Variants in CD38 observed in about 807,000 individuals in gnomAD.
CD38 encodes CD38 molecule.
Under a neutral mutation model 36.3 loss-of-function variants are expected in CD38, and 31 were observed. That is an observed-to-expected ratio of 0.85 (90% CI 0.64 to 1.15). The LOEUF is 1.15. Ranked by LOEUF, CD38 falls within the 50% of genes most tolerant of loss-of-function variation. The pLI, the probability that CD38 is intolerant of heterozygous loss-of-function variation, is 0.00. For missense variants in CD38, 380 were observed against 371.9 expected, an observed-to-expected ratio of 1.02 and a Z score of -0.18; for synonymous variants, 131 against 135.2, an observed-to-expected ratio of 0.97 and a Z score of 0.22.
intron 3 of CD38, among the ~76,000 whole-genome samples, chr4:15,829,239 G>A (rs7663931): frequency 0.017 from 2,540 of 151,766 alleles, 71 homozygotes; most frequent in African/African-American, 0.058. Context: ...TAATTTTTGT[G>A]CATACATAAT....
chr4:15,804,414 C>T (rs989618829), intron 1 of CD38, among the ~76,000 whole-genome samples: 3 of 152,084 alleles, frequency 2.0e-5, no homozygotes, highest in South Asian at 2.1e-4. Flanking sequence ...CCAGTAATCT[C>T]GCTACTGGAC....
At chr4:15,839,426 T>C (rs1251621490) in intron 5 of CD38, among the ~76,000 whole-genome samples, 1 of 137,142 alleles carries the variant, frequency 7.3e-6, no homozygotes. Context: ...TTTTTTTTTT[T>C]TTTTTTTTTT....
At chr4:15,804,403 T>C (rs958174457) in intron 1 of CD38, among the ~76,000 whole-genome samples, 1 of 152,152 alleles carries the variant, frequency 6.6e-6, no homozygotes, top group African/African-American at 2.4e-5. Flanking sequence ...TACCATATGA[T>C]CCAGTAATCT....
chr4:15,828,688 T>A (rs1723898858), intron 3 of CD38, among the ~76,000 whole-genome samples: 1 of 152,252 alleles, frequency 6.6e-6, no homozygotes. Context: ...TATTCCATTG[T>A]GTATATATAC....
At chr4:15,827,604 T>C (rs1343347212) in intron 3 of CD38, among the ~76,000 whole-genome samples, 1 of 152,158 alleles carries the variant, frequency 6.6e-6, no homozygotes, top group Non-Finnish European at 1.5e-5. Context: ...ATGACTGTTT[T>C]ATTGGTCATT....
rs1226840288 is a variant in CD38 at position 15,850,064 on chromosome 4, TG to T, written c.*1465del. 1 of 152,156 alleles carries T rather than the reference TG, an allele frequency of 6.6e-6. No homozygotes were observed. The highest frequency in any genetic ancestry group is 1.5e-5 in the Non-Finnish European group (1 of 68,034). 9.4% of individuals were successfully genotyped at this position (152,156 alleles called of 1,614,324 possible). A position where few individuals can be genotyped will look rare whatever the true frequency, so the allele number is the denominator to read the frequency against. On this transcript the variant is annotated 3_prime_UTR_variant, in exon 8 of 8. Coordinates refer to ENST00000226279, the MANE Select transcript of CD38 (RefSeq NM_001775.4). Reference sequence around the variant, plus strand: ...GCTCACACCTGTATCCCCAGCACTTTGGGAGGCCGAGACGGGAGGATCGCCT... The same window carrying T: ...GCTCACACCTGTATCCCCAGCACTTTGGAGGCCGAGACGGGAGGATCGCCT...
At chr4:15,815,181 A>G (rs4634217) in intron 1 of CD38, among the ~76,000 whole-genome samples, 8,142 of 152,184 alleles carry the variant, frequency 0.054, 278 homozygotes, top group Non-Finnish European at 0.065. Flanking sequence ...CTTGTAGTAC[A>G]CTTTGTAGTC....
intron 1 of CD38, among the ~76,000 whole-genome samples, chr4:15,790,796 G>T (rs1016901463): frequency 2.1e-5 from 3 of 140,782 alleles, no homozygotes; most frequent in Admixed American, 6.9e-5. Context: ...GCCGCCCATC[G>T]TCTGAGATGT....
At chr4:15,829,802 T>G (rs1015830795) in intron 3 of CD38, among the ~76,000 whole-genome samples, 21 of 152,310 alleles carry the variant, frequency 1.4e-4, no homozygotes, top group South Asian at 8.3e-4. Context: ...GATCAGTTGT[T>G]TTGATTTGTT....
rs142119205 is a variant in CD38 at position 15,810,333 on chromosome 4, G to A, written c.234-6178G>A. Among the ~76,000 whole-genome samples, 352 of 152,266 alleles carry A rather than the reference G, an allele frequency of 2.3e-3. 3 individuals are homozygous for A. The highest frequency in any genetic ancestry group is 8.0e-3 in the African/African-American group (334 of 41,540). ...TTATGAAAGCATCTGGTACATGTAG[G>A]TGCTCAGTGCACATGAATTTCTCTT... is the stretch of plus-strand genomic sequence containing the variant. On this transcript the variant is annotated intron_variant, in intron 1 of 7. Coordinates refer to ENST00000226279, the MANE Select transcript of CD38 (RefSeq NM_001775.4).
In CD38 at chr4:15,838,151, C is replaced by A. The variant is rs1724111159; in HGVS notation, c.645C>A (p.Ile215=). 6 of 1,612,678 alleles carry A rather than the reference C, an allele frequency of 3.7e-6. No individual in the cohort carries two copies. The highest frequency in any genetic ancestry group is 1.7e-6 in the Non-Finnish European group (2 of 1,179,018). The change falls in exon 5 of 8, where the codon ATC becomes ATA. Residue 215 remains isoleucine (I), a synonymous_variant. Transcript: ENST00000226279. ...TGCTCAATGGATCCCGCAGTAAAAT[C>A]TTTGACAAAAACAGGTACACATTTA... ...HVMLNGSRSK[I]FDKNSTFGSV...
At chr4:15,821,875 TAA>T (rs879333571) in intron 2 of CD38, among the ~76,000 whole-genome samples, 1 of 142,928 alleles carries the variant, frequency 7.0e-6, no homozygotes, top group African/African-American at 2.6e-5. Flanking sequence ...GGCAGAGATT[TAA>T]AAAAAAAAAG....
At chr4:15,786,177 CCCAGT>C (rs1465212978) in intron 1 of CD38, among the ~76,000 whole-genome samples, 1 of 152,214 alleles carries the variant, frequency 6.6e-6, no homozygotes, top group African/African-American at 2.4e-5. Context: ...ACAAAGCTTC[CCCAGT>C]GTAGAAGTGT....
rs555533076 is a variant in CD38, at chr4:15,796,431, T to C, written c.233+17784T>C. 1.6e-3 allele frequency among the ~76,000 whole-genome samples: 240 copies of C among 152,118 alleles called. 2 individuals are homozygous for C. Among genetic ancestry groups the C allele is most frequent in the Admixed American group, 2.6e-3 (39 of 15,274 alleles). On this transcript the variant is annotated intron_variant, in intron 1 of 7. Coordinates refer to ENST00000226279, the MANE Select transcript of CD38 (RefSeq NM_001775.4). ...CCTTCAATGTTTCTCAGTCAATATCTCCTCTCAATTTTTCCATTTAAAAAT... is the reference window on the plus strand; with the variant it reads ...CCTTCAATGTTTCTCAGTCAATATCCCCTCTCAATTTTTCCATTTAAAAAT...
chr4:15,783,562 A>G (rs1250542476), intron 1 of CD38, among the ~76,000 whole-genome samples: 1 of 152,202 alleles, frequency 6.6e-6, no homozygotes, highest in African/African-American at 2.4e-5. Flanking sequence ...TGTCTAACAC[A>G]TTGCTTATCA....
In CD38 at chr4:15,807,138, C is replaced by T. The variant is rs538584198; in HGVS notation, c.234-9373C>T. The stretch of plus-strand genomic sequence containing the variant: ...TCATGAGGGTGGGGCAGGTTTTATC[C>T]GATGACGTTAGAAAGGACTTACTGA... On this transcript the variant is annotated intron_variant, in intron 1 of 7. Coordinates refer to ENST00000226279, the MANE Select transcript of CD38 (RefSeq NM_001775.4). Among the ~76,000 whole-genome samples, 33 of 152,164 alleles carry T rather than the reference C, an allele frequency of 2.2e-4. No individual in the cohort carries two copies. In the South Asian group the frequency reaches 5.4e-3, roughly 25 times the overall value.
intron 4 of CD38, among the ~76,000 whole-genome samples, chr4:15,835,612 A>C (rs1310157065): frequency 2.0e-5 from 3 of 151,932 alleles, no homozygotes; most frequent in Non-Finnish European, 4.4e-5. Context: ...TCCTGACCTC[A>C]GGTGATCCGC....
intron 1 of CD38, among the ~76,000 whole-genome samples, chr4:15,795,209 A>G (rs1281591905): frequency 1.3e-5 from 2 of 152,030 alleles, no homozygotes; most frequent in Non-Finnish European, 2.9e-5. Context: ...TGAAATCAAG[A>G]ATTAGTTTCG....
In CD38 at chr4:15,834,408, G is replaced by T. The variant is rs75498111; in HGVS notation, c.585+106G>T. ...ACTTTTGGATTACAAATACTTTTAG[G>T]AATGAAAATATAGGATTCATTCCTG... is the stretch of plus-strand genomic sequence containing the variant. On this transcript the variant is annotated intron_variant, in intron 4 of 7. Transcript: ENST00000226279. 565 of 723,834 alleles carry T rather than the reference G, an allele frequency of 7.8e-4. 3 individuals are homozygous for T. In the African/African-American group the frequency reaches 8.7e-3, roughly 11 times the overall value. The allele number at this position is 723,834 out of a possible 1,614,324, so 44.8% of individuals were successfully genotyped here. A position where few individuals can be genotyped will look rare whatever the true frequency, so the allele number is the denominator to read the frequency against.
Sources: gnomAD v4.1 joint callset for allele counts (sites outside exome capture counted in the v4.1 genomes callset) on GRCh38, gnomAD v4.1.1 for gene constraint, MANE v1.5 for transcripts, NCBI Gene and HGNC (gene_info 2026-07-23, HGNC 2026-07-21) for gene names.